Variants in RAPGEF5 observed in about 807,000 individuals in gnomAD.
RAPGEF5 encodes Rap guanine nucleotide exchange factor 5.
Under a neutral mutation model 125.2 loss-of-function variants are expected in RAPGEF5, and 65 were observed. That is an observed-to-expected ratio of 0.52 (90% CI 0.43 to 0.64). RAPGEF5 has a LOEUF of 0.64. RAPGEF5 is among the 30% of genes least tolerant of loss of function. RAPGEF5 has a pLI of 0.00. For synonymous variants in RAPGEF5, 391 were observed against 385.9 expected (o/e 1.01, Z -0.16); for missense variants, 958 against 1,048.1 (o/e 0.91, Z 1.19).
In RAPGEF5 at chr7:22,308,443, G is replaced by A; in HGVS notation, c.576C>T (p.Ser192=). 1 of 1,577,080 alleles carries A rather than the reference G, an allele frequency of 6.3e-7. No homozygotes were observed. Among genetic ancestry groups the A allele is most frequent in the Admixed American group, 1.8e-5 (1 of 54,682 alleles). The change falls in exon 5 of 26, where the codon AGC becomes AGT. Residue 192 remains serine, a synonymous_variant. Transcript: ENST00000665637. ...VFYQFSSDEC[S]YLYCEFEREE... ...CTCTTTCAAATTCACAGTACAAGTA[G>A]CTACATTCATCAGAGGAAAACTGGT...
intron 6 of RAPGEF5, among the ~76,000 whole-genome samples, chr7:22,271,132 G>A (rs545234917): frequency 6.6e-6 from 1 of 152,016 alleles, no homozygotes; most frequent in East Asian, 1.9e-4. Context: ...TTTTCATCTA[G>A]TTCAGCAGTT....
At chr7:22,309,233 A>C (rs2128152702) in intron 4 of RAPGEF5, among the ~76,000 whole-genome samples, 1 of 152,344 alleles carries the variant, frequency 6.6e-6, no homozygotes, top group Admixed American at 6.5e-5. Context: ...AACTAATTTT[A>C]TAAATAAGAG....
At chr7:22,285,711 G>A (rs1349885019) in intron 6 of RAPGEF5, among the ~76,000 whole-genome samples, 1 of 152,220 alleles carries the variant, frequency 6.6e-6, no homozygotes, top group Non-Finnish European at 1.5e-5. Flanking sequence ...GAAAATGACT[G>A]AAGTTTCAGG....
chr7:22,249,361 A>AT lies in RAPGEF5; in HGVS notation c.796+17602dup, dbSNP rs1226302042. Among the ~76,000 whole-genome samples, 6 of 151,438 alleles carry AT rather than the reference A, an allele frequency of 4.0e-5. 1 individual carries two copies. The highest frequency in any genetic ancestry group is 9.7e-5 in the African/African-American group (4 of 41,246). On this transcript the variant is annotated intron_variant, in intron 7 of 25. Transcript: ENST00000665637. ...ACCATCATGCTTGGCTAATTTTTGTATTTTTTTTGGTAGAGGTGGGGCTTC... is the reference window on the plus strand; with the variant it reads ...ACCATCATGCTTGGCTAATTTTTGTATTTTTTTTTGGTAGAGGTGGGGCTTC...
At chr7:22,313,747 C>A (rs1174313736) in intron 3 of RAPGEF5, among the ~76,000 whole-genome samples, 1 of 152,184 alleles carries the variant, frequency 6.6e-6, no homozygotes, top group Non-Finnish European at 1.5e-5. Flanking sequence ...AGCTTGCTCA[C>A]GACTCTACTC....
At chr7:22,263,181 G>A (rs1042384496) in intron 7 of RAPGEF5, among the ~76,000 whole-genome samples, 1 of 152,198 alleles carries the variant, frequency 6.6e-6, no homozygotes, top group Admixed American at 6.5e-5. Context: ...GAAAGTCAGT[G>A]TAGCTATAAA....
At chr7:22,207,619 T>C (rs1012407914) in intron 9 of RAPGEF5, among the ~76,000 whole-genome samples, 1 of 152,244 alleles carries the variant, frequency 6.6e-6, no homozygotes, top group African/African-American at 2.4e-5. Context: ...AAATGTGCTA[T>C]AAATTCCAGC....
At chr7:22,334,307 A>G (rs546102202) in intron 1 of RAPGEF5, among the ~76,000 whole-genome samples, 2 of 152,342 alleles carry the variant, frequency 1.3e-5, no homozygotes, top group South Asian at 4.1e-4. Flanking sequence ...AAAACATAGT[A>G]TTAATAACAC....
In RAPGEF5 at chr7:22,140,811, G is replaced by A. The variant is rs563423640; in HGVS notation, c.2187-696C>T. Among the ~76,000 whole-genome samples the A allele has an allele frequency of 3.9e-5, 6 of 152,252 alleles. 1 individual carries two copies. In the East Asian group the frequency reaches 9.6e-4, roughly 24 times the overall value. ...CAGCTAAGAGGGCTTGGAATGGCAG[G>A]GGGAGCTCGGGATTTCACGGCAGCC... On this transcript the variant is annotated intron_variant, in intron 20 of 25. Coordinates refer to ENST00000665637, the MANE Select transcript of RAPGEF5 (RefSeq NM_012294.5).
intron 15 of RAPGEF5, 37 bp from the exon 16 acceptor site, chr7:22,156,925 A>G: frequency 6.2e-7 from 1 of 1,611,538 alleles, no homozygotes; most frequent in Non-Finnish European, 8.5e-7. Flanking sequence ...GAATGAATAC[A>G]TTCCTGCCCT....
Position 22,230,992 on chromosome 7 carries a change from C to T in RAPGEF5, c.797-73G>A, listed in dbSNP as rs963388065. The stretch of plus-strand genomic sequence containing the variant: ...TGCTTCAGATAATTTTCTTTCAGAT[C>T]GCAATTTAGCGGGAAAAAATGTTAG... On this transcript the variant is annotated intron_variant, in intron 7 of 25. Transcript: ENST00000665637. The T allele has an allele frequency of 1.7e-5, 23 of 1,350,634 alleles. No homozygotes were observed. In the South Asian group the frequency reaches 2.1e-4, roughly 12 times the overall value. The allele number at this position is 1,350,634 out of a possible 1,614,324, so 83.7% of individuals were successfully genotyped here.
intron 7 of RAPGEF5, among the ~76,000 whole-genome samples, chr7:22,252,927 G>A (rs1325265926): frequency 6.6e-6 from 1 of 151,904 alleles, no homozygotes; most frequent in Non-Finnish European, 1.5e-5. Context: ...ACTGTTTTAA[G>A]ATTCTTATGA....
chr7:22,325,953 T>C (rs988037870), intron 1 of RAPGEF5, among the ~76,000 whole-genome samples: 1 of 152,214 alleles, frequency 6.6e-6, no homozygotes, highest in Non-Finnish European at 1.5e-5. Context: ...AACATGGAAA[T>C]TGTGTGGGGT....
intron 5 of RAPGEF5, chr7:22,298,772 T>G (rs893838457): frequency 6.6e-6 from 1 of 152,268 alleles, no homozygotes; most frequent in Non-Finnish European, 1.5e-5. Flanking sequence ...GGGCATCAAC[T>G]ACAAATTCAA....
At position 22,356,820 on chromosome 7, in the gene RAPGEF5, G is replaced by T; in HGVS notation, c.231+10C>A. The T allele has an allele frequency of 8.6e-7, 1 of 1,161,376 alleles. No individual in the cohort carries two copies. Among genetic ancestry groups the T allele is most frequent in the Non-Finnish European group, 1.1e-6 (1 of 942,190 alleles). The allele number at this position is 1,161,376 out of a possible 1,614,324, so 71.9% of individuals were successfully genotyped here. A position where few individuals can be genotyped will look rare whatever the true frequency, so the allele number is the denominator to read the frequency against. ...GCCCGTGCCCACTCGGACAGGGCCGGGCCACTCACCCGGCCCCCAGCGGCG... is the reference window on the plus strand; with the variant it reads ...GCCCGTGCCCACTCGGACAGGGCCGTGCCACTCACCCGGCCCCCAGCGGCG... On this transcript the variant is annotated intron_variant, in intron 1 of 25. Transcript: ENST00000665637.
chr7:22,124,295 T>A (rs1335654513), intron 25 of RAPGEF5, among the ~76,000 whole-genome samples: 4 of 152,226 alleles, frequency 2.6e-5, no homozygotes, highest in Admixed American at 2.6e-4. Context: ...AATATGAAGC[T>A]GTACTCATCA....
rs1783743382 is a variant in RAPGEF5, at chr7:22,154,661, C to G, written c.1637-57G>C. 3.2e-6 allele frequency: 5 copies of G among 1,565,184 alleles called. No homozygotes were observed. In the South Asian group the frequency reaches 5.9e-5, roughly 19 times the overall value. On this transcript the variant is annotated intron_variant, in intron 16 of 25. Transcript: ENST00000665637. ...GAGAACAGTGGTCACGAGGTATAGACTTTTCCAAATCAAGGCACCTTGATC... is the reference window on the plus strand; with the variant it reads ...GAGAACAGTGGTCACGAGGTATAGAGTTTTCCAAATCAAGGCACCTTGATC...
chr7:22,171,132 C>A (rs1302704251), intron 11 of RAPGEF5, among the ~76,000 whole-genome samples: 2 of 151,792 alleles, frequency 1.3e-5, no homozygotes, highest in Non-Finnish European at 2.9e-5. Flanking sequence ...TTATAACAGC[C>A]ATGCTTCCAA....
At chr7:22,275,196 G>A (rs1398834714) in intron 6 of RAPGEF5, among the ~76,000 whole-genome samples, 2 of 152,150 alleles carry the variant, frequency 1.3e-5, no homozygotes, top group Non-Finnish European at 2.9e-5. Context: ...GTGAAGTCCT[G>A]TTTATACTCC....
Sources: gnomAD v4.1 joint callset for allele counts (sites outside exome capture counted in the v4.1 genomes callset) on GRCh38, gnomAD v4.1.1 for gene constraint, MANE v1.5 for transcripts, NCBI Gene and HGNC (gene_info 2026-07-23, HGNC 2026-07-21) for gene names.